Variants in HPSE2 observed in about 807,000 individuals in gnomAD.
The protein encoded by HPSE2 is heparanase 2 (inactive).
In HPSE2, 38 loss-of-function variants were observed where a neutral mutation model predicts 60.5. The ratio of observed to expected loss-of-function variants is 0.63; its 90% CI spans 0.48 to 0.82. The LOEUF is 0.82. Among genes scored for constraint, HPSE2 ranks in the 40% least tolerant of loss-of-function variants. The probability of loss-of-function intolerance (pLI) is 0.00; values close to 1 mark genes in which losing one functional copy is unlikely to be tolerated. For missense variants in HPSE2, 713 were observed against 740.4 expected, an observed-to-expected ratio of 0.96 and a Z score of 0.43; for synonymous variants, 295 against 293.2, an observed-to-expected ratio of 1.01 and a Z score of -0.06.
chr10:98,968,380 G>T (rs1260474593), intron 3 of HPSE2, among the ~76,000 whole-genome samples: 2 of 152,080 alleles, frequency 1.3e-5, no homozygotes, highest in Admixed American at 1.3e-4. Flanking sequence ...TGGTGAAAAG[G>T]GAACATTTTT....
intron 3 of HPSE2, among the ~76,000 whole-genome samples, chr10:98,877,480 A>C (rs545258223): frequency 6.6e-6 from 1 of 151,916 alleles, no homozygotes; most frequent in Admixed American, 6.6e-5. Context: ...TTAATCTTTC[A>C]ATGCCTCTTT....
chr10:99,096,261 A>G (rs1843715081), intron 3 of HPSE2, among the ~76,000 whole-genome samples: 1 of 152,218 alleles, frequency 6.6e-6, no homozygotes, highest in Admixed American at 6.5e-5. Context: ...ACAATAGCAC[A>G]TAATTTTAAA....
chr10:98,910,989 C>G (rs1283842379), intron 3 of HPSE2, among the ~76,000 whole-genome samples: 2 of 151,648 alleles, frequency 1.3e-5, no homozygotes, highest in African/African-American at 4.9e-5. Flanking sequence ...TGATGAAGAA[C>G]ATAAAAAATC....
At chr10:99,079,292 T>C (rs1843051936) in intron 3 of HPSE2, among the ~76,000 whole-genome samples, 1 of 151,866 alleles carries the variant, frequency 6.6e-6, no homozygotes, top group East Asian at 1.9e-4. Context: ...AACTAGGGTA[T>C]ATTCATCTGC....
chr10:99,221,940 T>G (rs1849327239), intron 2 of HPSE2, among the ~76,000 whole-genome samples: 1 of 152,014 alleles, frequency 6.6e-6, no homozygotes, highest in Admixed American at 6.6e-5. Context: ...TCAGAAAGGT[T>G]AATAAGACAA....
At chr10:99,090,957 T>C (rs951565600) in intron 3 of HPSE2, among the ~76,000 whole-genome samples, 6 of 152,164 alleles carry the variant, frequency 3.9e-5, no homozygotes, top group Admixed American at 2.6e-4. Flanking sequence ...CAAAATCCAC[T>C]GCAGCCAATT....
intron 3 of HPSE2, among the ~76,000 whole-genome samples, chr10:98,986,288 C>T (rs1023947168): frequency 6.6e-6 from 1 of 151,964 alleles, no homozygotes; most frequent in African/African-American, 2.4e-5. Context: ...TTATAACAAA[C>T]TCTCTCTCAG....
At chr10:98,693,197 C>T (rs1251695900) in intron 6 of HPSE2, among the ~76,000 whole-genome samples, 2 of 152,198 alleles carry the variant, frequency 1.3e-5, no homozygotes, top group Non-Finnish European at 2.9e-5. Context: ...ATAGATTTCT[C>T]AGAGAAAAGA....
At chr10:98,869,967 G>T (rs1235238534) in intron 3 of HPSE2, among the ~76,000 whole-genome samples, 1 of 152,114 alleles carries the variant, frequency 6.6e-6, no homozygotes, top group East Asian at 1.9e-4. Flanking sequence ...TTTATCAGGA[G>T]TATTATTTCA....
rs188263460 is a variant in HPSE2 at position 98,561,504 on chromosome 10, T to G, written c.1320+53400A>C. ...AACAAGTTTTAAAAAATTAAAAAGT[T>G]TATAAAGTAAAACAGTTACAGTAAG... is the stretch of plus-strand genomic sequence containing the variant. On this transcript the variant is annotated intron_variant, in intron 9 of 11. Transcript: ENST00000370552. Among the ~76,000 whole-genome samples, 505 of 152,290 alleles carry G rather than the reference T, an allele frequency of 3.3e-3. 4 individuals are homozygous for G. Among genetic ancestry groups the G allele is most frequent in the African/African-American group, 0.011 (472 of 41,562 alleles).
At chr10:98,500,882 T>C (rs976510762) in intron 9 of HPSE2, among the ~76,000 whole-genome samples, 4 of 151,932 alleles carry the variant, frequency 2.6e-5, no homozygotes, top group African/African-American at 9.7e-5. Context: ...CTGACACCAC[T>C]GAAATACAAG....
At chr10:98,576,003 A>G (rs180691004) in intron 9 of HPSE2, among the ~76,000 whole-genome samples, 58 of 152,282 alleles carry the variant, frequency 3.8e-4, no homozygotes, top group African/African-American at 1.4e-3. Flanking sequence ...GTTTATTGTC[A>G]CTATTTAGCT....
intron 3 of HPSE2, among the ~76,000 whole-genome samples, chr10:99,133,790 T>C (rs1845539114): frequency 6.6e-6 from 1 of 151,740 alleles, no homozygotes; most frequent in Admixed American, 6.6e-5. Context: ...AGGCTGAAAA[T>C]TCCAAAAACC....
rs145945270 is a variant in HPSE2 at position 98,837,423 on chromosome 10, T to C, written c.611-93367A>G. The stretch of plus-strand genomic sequence containing the variant: ...GAATGGGGCAGGCATCAGAAAAATA[T>C]GGAAGGTGCTAAAGTTGCCATCTAA... On this transcript the variant is annotated intron_variant, in intron 3 of 11. Coordinates refer to ENST00000370552, the MANE Select transcript of HPSE2 (RefSeq NM_021828.5). 3.3e-5 allele frequency among the ~76,000 whole-genome samples: 5 copies of C among 152,290 alleles called. No individual in the cohort carries two copies. The East Asian group carries it at 7.7e-4, about 24-fold the overall frequency.
Position 99,177,414 on chromosome 10 carries a change from G to A in HPSE2, c.449-33015C>T, listed in dbSNP as rs758895975. On this transcript the variant is annotated intron_variant, in intron 2 of 11. Transcript: ENST00000370552. ...AGACACACACAGACTCAAAATAAAT[G>A]GATGGAGAAATATTTACCAAGCAAA... 5.4e-4 allele frequency among the ~76,000 whole-genome samples: 82 copies of A among 151,852 alleles called. 1 individual carries two copies. Among genetic ancestry groups the A allele is most frequent in the African/African-American group, 1.6e-3 (68 of 41,288 alleles).
chr10:99,175,257 C>A (rs1317047183), intron 2 of HPSE2, among the ~76,000 whole-genome samples: 1 of 152,120 alleles, frequency 6.6e-6, no homozygotes, highest in Admixed American at 6.6e-5. Context: ...GTTCCTGGAC[C>A]ACCAGCGAGA....
chr10:99,112,353 C>T (rs2135681622), intron 3 of HPSE2, among the ~76,000 whole-genome samples: 1 of 152,320 alleles, frequency 6.6e-6, no homozygotes, highest in South Asian at 2.1e-4. Flanking sequence ...CATTCTCCTG[C>T]CTCAGCCTCC....
chr10:98,892,594 G>A (rs967101793), intron 3 of HPSE2, among the ~76,000 whole-genome samples: 1 of 152,174 alleles, frequency 6.6e-6, no homozygotes, highest in Non-Finnish European at 1.5e-5. Context: ...ATCTCTTTAG[G>A]AACAAAAAAG....
At chr10:98,903,493 G>A (rs1953724095) in intron 3 of HPSE2, among the ~76,000 whole-genome samples, 1 of 152,082 alleles carries the variant, frequency 6.6e-6, no homozygotes. Context: ...TCTCTCTGCA[G>A]TTTCTTCTCT....
Sources: allele counts gnomAD v4.1 joint callset (sites outside exome capture counted in the v4.1 genomes callset), GRCh38; gene constraint gnomAD v4.1.1; transcripts MANE v1.5; gene names NCBI Gene and HGNC (gene_info 2026-07-23, HGNC 2026-07-21).